The following GAS5 variants were observed in gnomAD, a reference collection of about 807,000 sequenced individuals.
GAS5 encodes the protein growth arrest specific 5, also known as growth arrest specific 5 (non-protein coding).
At chr1:173,867,944 C>A, upstream of GAS5, 1 of 361,278 alleles carries the variant, frequency 2.8e-6, no homozygotes, top group Non-Finnish European at 5.5e-6. Context: ...GCAACATTCG[C>A]AAAGATAAAA....
At chr1:173,868,815 A>T (rs1025431405), upstream of GAS5, 7 of 153,218 alleles carry the variant, frequency 4.6e-5, no homozygotes, top group East Asian at 1.3e-3. Context: ...CCTCAGTGAC[A>T]TTTTGCCCTT....
chr1:173,864,440 T>C (rs1413788515), intron 6 of GAS5: 1 of 518,646 alleles, frequency 1.9e-6, no homozygotes, highest in Non-Finnish European at 3.8e-6. Context: ...CATTACATCA[T>C]TGGTTACACT....
intron 6 of GAS5, chr1:173,864,868 C>T (rs1036754690): frequency 1.9e-6 from 1 of 519,046 alleles, no homozygotes; most frequent in Non-Finnish European, 3.8e-6. Context: ...TATTGCTCAT[C>T]AGCGTTAGTC....
At chr1:173,866,602 ACTCTCTATGTTCCCCAACT>A in intron 2 of GAS5, 1 of 763,486 alleles carries the variant, frequency 1.3e-6, no homozygotes, top group Admixed American at 1.7e-5. Flanking sequence ...ACTTAGGTGT[ACTCTCTATGTTCCCCAACT>A]CACCATTTTG....
chr1:173,868,559 C>G (rs1655189546), upstream of GAS5, among the ~76,000 whole-genome samples: 1 of 152,230 alleles, frequency 6.6e-6, no homozygotes, highest in South Asian at 2.1e-4. Flanking sequence ...ACCTTCCACC[C>G]CCTTGGCCCC....
At chr1:173,867,099 G>GA, upstream of GAS5, 1 of 625,490 alleles carries the variant, frequency 1.6e-6, no homozygotes, top group South Asian at 1.9e-5. Context: ...TTTTTTTAAA[G>GA]AGTGTTCTTT....
At chr1:173,864,487 G>C in intron 6 of GAS5, 1 of 506,026 alleles carries the variant, frequency 2.0e-6, no homozygotes, top group Non-Finnish European at 3.9e-6. Context: ...GACTCACCTA[G>C]TTTAGGATAA....
At chr1:173,866,045 T>G in intron 4 of GAS5, 1 of 519,160 alleles carries the variant, frequency 1.9e-6, no homozygotes, top group South Asian at 1.4e-5. Context: ...TTACAAACTT[T>G]CTTATTAATC....
chr1:173,865,359 T>G, intron 6 of GAS5: 1 of 512,044 alleles, frequency 2.0e-6, no homozygotes. Context: ...ACTGTTTCAG[T>G]TTAAGATTAA....
At chr1:173,865,090 T>A in intron 6 of GAS5, 1 of 346,912 alleles carries the variant, frequency 2.9e-6, no homozygotes, top group South Asian at 2.2e-5. Context: ...TCCCAGCTAC[T>A]CAAGAGGCTG....
intron 7 of GAS5, chr1:173,864,160 T>C (rs1487836239): frequency 1.9e-6 from 1 of 517,916 alleles, no homozygotes; most frequent in African/African-American, 1.9e-5. Context: ...ATATCAGATA[T>C]TTTATTGTCA....
upstream of GAS5, chr1:173,867,150 C>T (rs1220603270): frequency 1.7e-6 from 1 of 591,182 alleles, no homozygotes; most frequent in Non-Finnish European, 3.0e-6. Context: ...ATGCAGGTAA[C>T]ATACCATTCA....
intron 6 of GAS5, chr1:173,864,982 G>A: frequency 4.0e-6 from 2 of 502,854 alleles, no homozygotes; most frequent in Middle Eastern, 4.1e-4. Context: ...ACTTTGGGAG[G>A]TCAGTGCGGG....
intron 3 of GAS5, chr1:173,866,520 T>TG (rs751571325): frequency 4.3e-6 from 3 of 702,206 alleles, no homozygotes; most frequent in Non-Finnish European, 5.2e-6. Flanking sequence ...AAAATAGAGG[T>TG]GTCTCACCTG....
chr1:173,865,547 G>A (rs1557870710), exon 6 of GAS5: 1 of 516,306 alleles, frequency 1.9e-6, no homozygotes, highest in Admixed American at 1.9e-5. Context: ...GTTACCAGGA[G>A]CTGGAATACA....
At chr1:173,865,867 A>C (rs1204070809) in exon 5 of GAS5, 2 of 517,172 alleles carry the variant, frequency 3.9e-6, no homozygotes, top group Non-Finnish European at 3.9e-6. Context: ...CAGAACCATT[A>C]AGCTGGTCCA....
At chr1:173,867,912 A>C, upstream of GAS5, 1 of 372,740 alleles carries the variant, frequency 2.7e-6, no homozygotes, top group Non-Finnish European at 5.4e-6. Context: ...TAGCAGACAA[A>C]GGCTGGAGCG....
intron 5 of GAS5, chr1:173,865,663 G>C (rs1654474299): frequency 1.9e-6 from 1 of 519,080 alleles, no homozygotes; most frequent in Admixed American, 1.9e-5. Flanking sequence ...TTTCAGGTCA[G>C]ACATTTGATC....
chr1:173,864,177 A>C (rs933631044), intron 7 of GAS5: 1 of 518,214 alleles, frequency 1.9e-6, no homozygotes, highest in Non-Finnish European at 3.9e-6. Context: ...GTCATCAAGT[A>C]ATCAGTGAGA....
Sources: gnomAD v4.1 joint callset for allele counts (sites outside exome capture counted in the v4.1 genomes callset) on GRCh38, gnomAD v4.1.1 for gene constraint, MANE v1.5 for transcripts, NCBI Gene and HGNC (gene_info 2026-07-23, HGNC 2026-07-21) for gene names.